The following PDE1C variants were observed in gnomAD, a reference collection of about 807,000 sequenced individuals.
The protein encoded by PDE1C is dual specificity calcium/calmodulin-dependent 3',5'-cyclic nucleotide phosphodiesterase 1C.
PDE1C carries 62 observed loss-of-function variants against 93.1 expected under a neutral mutation model. The observed-to-expected ratio is 0.67, with a 90% CI of 0.54 to 0.82. PDE1C has a LOEUF of 0.82. Among genes scored for constraint, PDE1C ranks in the 40% least tolerant of loss-of-function variants. The pLI, the probability that PDE1C is intolerant of heterozygous loss-of-function variation, is 0.00. For synonymous variants in PDE1C, 325 were observed against 310.1 expected, an observed-to-expected ratio of 1.05 and a Z score of -0.50; for missense variants, 742 against 884.6, an observed-to-expected ratio of 0.84 and a Z score of 2.04.
intron 3 of PDE1C, among the ~76,000 whole-genome samples, chr7:32,113,236 A>AAAATATATATAT (rs955078317): frequency 3.2e-5 from 3 of 94,020 alleles, no homozygotes; most frequent in Non-Finnish European, 2.0e-5. Flanking sequence ...ATTGTCCTTA[A>AAAATATATATAT]ATATATATAT....
chr7:32,248,872 C>T (rs1197398836), intron 1 of PDE1C, among the ~76,000 whole-genome samples: 5 of 152,096 alleles, frequency 3.3e-5, no homozygotes, highest in Admixed American at 3.3e-4. Flanking sequence ...GTGAATGCTG[C>T]TGTGTATGGG....
At chr7:31,697,303 G>C in the PDE1C span, among the ~76,000 whole-genome samples, 1 of 152,158 alleles carries the variant, frequency 6.6e-6, no homozygotes, top group African/African-American at 2.4e-5. Flanking sequence ...GCTCCCCAGG[G>C]GCTGATGTGG....
the PDE1C span, among the ~76,000 whole-genome samples, chr7:31,644,567 A>T: frequency 6.6e-6 from 1 of 152,176 alleles, no homozygotes; most frequent in Non-Finnish European, 1.5e-5. Context: ...CCCACGTCAA[A>T]TAGAGGGGCT....
At chr7:31,956,667 C>CAA (rs150570962) in intron 2 of PDE1C, among the ~76,000 whole-genome samples, 105 of 144,726 alleles carry the variant, frequency 7.3e-4, no homozygotes, top group African/African-American at 2.3e-3. Context: ...ACAACAAAAA[C>CAA]AAAAAAAAAA....
At chr7:31,941,679 A>G (rs1007640213) in intron 2 of PDE1C, 1 of 152,416 alleles carries the variant, frequency 6.6e-6, no homozygotes, top group Non-Finnish European at 1.5e-5. Flanking sequence ...GTCCTTTCAG[A>G]CATTTTAGGA....
At chr7:32,341,173 C>CTTTTTTTTATTTTTTTTT (rs1783741514) in intron 1 of PDE1C, among the ~76,000 whole-genome samples, 6 of 84,952 alleles carry the variant, frequency 7.1e-5, no homozygotes, top group Admixed American at 5.2e-4. Context: ...GAAATAAAGT[C>CTTTTTTTTATTTTTTTTT]TTTTTTTTTT....
intron 1 of PDE1C, among the ~76,000 whole-genome samples, chr7:32,271,127 G>T (rs1810934550): frequency 6.6e-6 from 1 of 152,196 alleles, no homozygotes; most frequent in Non-Finnish European, 1.5e-5. Flanking sequence ...GACAGAGCGA[G>T]ACTCTATCTC....
intron 2 of PDE1C, among the ~76,000 whole-genome samples, chr7:31,896,892 G>A (rs1443414248): frequency 6.6e-6 from 1 of 152,206 alleles, no homozygotes; most frequent in Non-Finnish European, 1.5e-5. Flanking sequence ...ATCCTGACAA[G>A]TGCTTTCTAA....
chr7:31,830,980 C>CA lies in PDE1C; in HGVS notation c.1204-2608dup, dbSNP rs1200663969. On this transcript the variant is annotated intron_variant, in intron 11 of 17. Coordinates refer to ENST00000396191, the MANE Select transcript of PDE1C (RefSeq NM_001191057.4). Reference sequence around the variant, plus strand: ...TTTGGGGGTAGCTATATGTAAGCAGCAAACCAGTCAAAAGAGACAAGGGCT... The same window carrying CA: ...TTTGGGGGTAGCTATATGTAAGCAGCAAAACCAGTCAAAAGAGACAAGGGCT... Among the ~76,000 whole-genome samples the CA allele has an allele frequency of 5.3e-5, 8 of 152,238 alleles. No homozygotes were observed. In the East Asian group the frequency reaches 1.5e-3, roughly 29 times the overall value.
the PDE1C span, chr7:31,642,213 C>G: frequency 2.9e-5 from 46 of 1,561,066 alleles, no homozygotes; most frequent in Middle Eastern, 5.8e-4. Flanking sequence ...GCCAGTCTGA[C>G]AGCAGCGGGT....
the PDE1C span, among the ~76,000 whole-genome samples, chr7:31,662,626 T>C: frequency 6.6e-6 from 1 of 152,186 alleles, no homozygotes; most frequent in Non-Finnish European, 1.5e-5. Context: ...TGTGTTTGAC[T>C]CTGTGCATGT....
At chr7:32,420,231 G>GTA (rs1204009759) in intron 1 of PDE1C, among the ~76,000 whole-genome samples, 1 of 25,958 alleles carries the variant, frequency 3.9e-5, no homozygotes, top group African/African-American at 1.2e-4. Context: ...ACATATATAT[G>GTA]TATATATATG....
chr7:32,370,715 A>C (rs1784314886), intron 1 of PDE1C, among the ~76,000 whole-genome samples: 1 of 152,094 alleles, frequency 6.6e-6, no homozygotes, highest in African/African-American at 2.4e-5. Flanking sequence ...GCAGCACACC[A>C]ACATGGCACA....
chr7:32,334,289 T>C (rs1313367172), intron 1 of PDE1C, among the ~76,000 whole-genome samples: 1 of 152,176 alleles, frequency 6.6e-6, no homozygotes, highest in Non-Finnish European at 1.5e-5. Flanking sequence ...ATATGTCCTT[T>C]AAAAAATGTT....
intron 1 of PDE1C, among the ~76,000 whole-genome samples, chr7:32,229,925 G>T (rs569350582): frequency 6.6e-6 from 1 of 152,336 alleles, no homozygotes; most frequent in African/African-American, 2.4e-5. Flanking sequence ...TTTTTCGATT[G>T]TGAGTGGAGG....
chr7:32,236,458 G>A (rs1406490122), intron 1 of PDE1C, among the ~76,000 whole-genome samples: 1 of 151,956 alleles, frequency 6.6e-6, no homozygotes, highest in African/African-American at 2.4e-5. Flanking sequence ...AAACTCAATA[G>A]GAAGAAAACA....
the PDE1C span, among the ~76,000 whole-genome samples, chr7:31,680,535 C>T: frequency 3.3e-5 from 5 of 152,178 alleles, no homozygotes; most frequent in African/African-American, 1.2e-4. Flanking sequence ...ACACCTGTAA[C>T]ATAAAGTGAG....
rs185694195 is a variant in PDE1C at position 32,222,969 on chromosome 7, G to A, written c.86-13430C>T. Among the ~76,000 whole-genome samples the A allele has an allele frequency of 3.5e-3, 538 of 152,126 alleles. 4 individuals are homozygous for A. Among genetic ancestry groups the A allele is most frequent in the Middle Eastern group, 0.017 (5 of 294 alleles). On this transcript the variant is annotated intron_variant, in intron 1 of 18. Transcript: ENST00000396193. ...CTCATAGCCCTTGCATCAGTAAATC[G>A]TGCGGGCTTCACTTTTAAAATAGAT...
At chr7:31,818,591 G>A (rs1189134394) in intron 14 of PDE1C, among the ~76,000 whole-genome samples, 1 of 152,126 alleles carries the variant, frequency 6.6e-6, no homozygotes, top group East Asian at 1.9e-4. Flanking sequence ...AATACAGAAA[G>A]TATATAAACT....
Sources: gnomAD v4.1 joint callset for allele counts (sites outside exome capture counted in the v4.1 genomes callset) on GRCh38, gnomAD v4.1.1 for gene constraint, MANE v1.5 for transcripts, NCBI Gene and HGNC (gene_info 2026-07-23, HGNC 2026-07-21) for gene names.